The following TBXAS1 variants were observed in gnomAD, a reference collection of about 807,000 sequenced individuals.
TBXAS1 encodes the protein thromboxane-A synthase.
TBXAS1 carries 48 observed loss-of-function variants against 60.7 expected under a neutral mutation model. The observed-to-expected ratio is 0.79, with a 90% CI of 0.63 to 1.01. The LOEUF is 1.01. Among genes scored for constraint, TBXAS1 ranks in the 50% least tolerant of loss-of-function variants. The pLI is 0.00. For synonymous variants in TBXAS1, 287 were observed against 269.7 expected (o/e 1.06, Z -0.63); for missense variants, 685 against 686.3 (o/e 1.00, Z 0.02).
chr7:139,821,146 T>G (rs573833886), intron 4 of TBXAS1, among the ~76,000 whole-genome samples: 2 of 152,242 alleles, frequency 1.3e-5, no homozygotes, highest in Admixed American at 1.3e-4. Flanking sequence ...CTGAGAGAAG[T>G]CAAGGATGAT....
At chr7:139,872,552 G>A (rs142578423) in intron 2 of TBXAS1, among the ~76,000 whole-genome samples, 2,847 of 152,304 alleles carry the variant, frequency 0.019, 59 homozygotes, top group African/African-American at 0.046. Context: ...TACTTGGGAG[G>A]CTGAGGCAGG....
intron 6 of TBXAS1, 113 bp downstream of exon 6, chr7:139,953,569 A>C: frequency 1.0e-6 from 1 of 984,246 alleles, no homozygotes; most frequent in Admixed American, 1.9e-5. Context: ...AAACGCTAGA[A>C]GCTCATAAAA....
intron 4 of TBXAS1, among the ~76,000 whole-genome samples, chr7:139,791,165 G>T (rs1423385289): frequency 6.6e-6 from 1 of 152,188 alleles, no homozygotes; most frequent in Non-Finnish European, 1.5e-5. Context: ...CTAATATAGT[G>T]GAAGCCATTG....
intron 5 of TBXAS1, among the ~76,000 whole-genome samples, chr7:139,949,862 A>G (rs1809055073): frequency 6.6e-6 from 1 of 152,074 alleles, no homozygotes. Flanking sequence ...AAGATCCAAA[A>G]ACAGTGATGA....
At chr7:139,869,612 C>T (rs1017177895) in intron 1 of TBXAS1, among the ~76,000 whole-genome samples, 1 of 152,144 alleles carries the variant, frequency 6.6e-6, no homozygotes, top group Non-Finnish European at 1.5e-5. Flanking sequence ...TGGTCTTGAG[C>T]TCCTGGCCTC....
chr7:139,970,881 G>C (rs571182397), intron 9 of TBXAS1, among the ~76,000 whole-genome samples: 1 of 152,128 alleles, frequency 6.6e-6, no homozygotes, highest in African/African-American at 2.4e-5. Context: ...CATCCAACGG[G>C]ACCCTCAGGC....
chr7:139,868,219 T>A (rs1801565547), intron 1 of TBXAS1, among the ~76,000 whole-genome samples: 1 of 152,238 alleles, frequency 6.6e-6, no homozygotes, highest in Non-Finnish European at 1.5e-5. Context: ...TCATTGCGTA[T>A]TACCTGCTTT....
chr7:139,951,174 A>C (rs2117296776), intron 5 of TBXAS1, among the ~76,000 whole-genome samples: 1 of 152,288 alleles, frequency 6.6e-6, no homozygotes, highest in Non-Finnish European at 1.5e-5. Flanking sequence ...AAATCGAAAT[A>C]GCAATTGTAC....
intron 1 of TBXAS1, among the ~76,000 whole-genome samples, chr7:139,849,797 A>C (rs1461998108): frequency 2.0e-5 from 3 of 152,240 alleles, no homozygotes; most frequent in Non-Finnish European, 2.9e-5. Flanking sequence ...CAGAAAGCGC[A>C]GCTTGTTCAC....
rs117624830 is a variant in TBXAS1, at chr7:139,995,996, C to T, written c.1135-11095C>T. On this transcript the variant is annotated intron_variant, in intron 9 of 12. Coordinates refer to ENST00000448866, the MANE Select transcript of TBXAS1 (RefSeq NM_001061.7). ...GCCACAGTTGACAAATATAATGGCG[C>T]GTCTTCTTCTTCATTATTATCATTA... Among the ~76,000 whole-genome samples the T allele has an allele frequency of 7.5e-3, 1,139 of 152,168 alleles. 12 individuals carry two copies. The highest frequency in any genetic ancestry group is 0.012 in the Non-Finnish European group (841 of 68,014).
In TBXAS1 at chr7:139,962,039, TC is replaced by T. The variant is rs570470967; in HGVS notation, c.943del (p.Arg315GlyfsTer12). 1.8e-5 allele frequency: 29 copies of T among 1,614,078 alleles called. No individual in the cohort carries two copies. The highest frequency in any genetic ancestry group is 2.4e-5 in the Non-Finnish European group (28 of 1,180,048). On this transcript the variant is annotated frameshift_variant, in exon 9 of 13. Transcript: ENST00000448866. LOFTEE classifies it high-confidence loss of function. Reference protein sequence around the residue: ...FSSTGCKPNPSRQHQPSPMAR... With the variant: ...FSSTGCKPNPXRQHQPSPMAR... ...CTCTACTGGGTGCAAGCCGAACCCT[TC>T]CCGGCAACACCAGCCCAGCCCTATG... is the stretch of plus-strand genomic sequence containing the variant.
At chr7:139,829,852 A>C (rs977545092) in intron 1 of TBXAS1, among the ~76,000 whole-genome samples, 3 of 152,190 alleles carry the variant, frequency 2.0e-5, no homozygotes, top group Non-Finnish European at 4.4e-5. Context: ...TTTACAGTGA[A>C]TTCAGCCTCT....
At chr7:139,899,795 G>T (rs1057057020) in intron 3 of TBXAS1, among the ~76,000 whole-genome samples, 3 of 152,164 alleles carry the variant, frequency 2.0e-5, no homozygotes, top group Non-Finnish European at 4.4e-5. Flanking sequence ...GAGCCTGCCT[G>T]CTTTCCCTTG....
rs140600245 is a variant in TBXAS1 at position 139,983,841 on chromosome 7, G to T, written c.1134+21608G>T. 4.7e-3 allele frequency among the ~76,000 whole-genome samples: 709 copies of T among 152,236 alleles called. 6 individuals carry two copies. Among genetic ancestry groups the T allele is most frequent in the South Asian group, 0.012 (59 of 4,818 alleles). ...CTGGTTTGCAGAATCCAAACTCAGGGCTTCCTTCCAATATTTTTATTAGTT... is the reference window on the plus strand; with the variant it reads ...CTGGTTTGCAGAATCCAAACTCAGGTCTTCCTTCCAATATTTTTATTAGTT... On this transcript the variant is annotated intron_variant, in intron 9 of 12. Coordinates refer to ENST00000448866, the MANE Select transcript of TBXAS1 (RefSeq NM_001061.7).
chr7:139,931,648 A>T lies in TBXAS1; in HGVS notation c.334-4543A>T, dbSNP rs541646318. On this transcript the variant is annotated intron_variant, in intron 4 of 12. Coordinates refer to ENST00000448866, the MANE Select transcript of TBXAS1 (RefSeq NM_001061.7). Reference sequence around the variant, plus strand: ...CTTTATAAAACCATCAGATCTTGTAAGACTTATTCACTACCACGAGAACAA... The same window carrying T: ...CTTTATAAAACCATCAGATCTTGTATGACTTATTCACTACCACGAGAACAA... Among the ~76,000 whole-genome samples, 376 of 152,198 alleles carry T rather than the reference A, an allele frequency of 2.5e-3. 1 individual carries two copies. Among genetic ancestry groups the T allele is most frequent in the Non-Finnish European group, 3.4e-3 (234 of 67,988 alleles).
intron 9 of TBXAS1, among the ~76,000 whole-genome samples, chr7:139,986,111 G>A (rs536822910): frequency 6.6e-6 from 1 of 152,232 alleles, no homozygotes; most frequent in South Asian, 2.1e-4. Flanking sequence ...AATGGACATG[G>A]GGAGGCCTTA....
intron 1 of TBXAS1, among the ~76,000 whole-genome samples, chr7:139,857,587 G>A (rs957160526): frequency 1.3e-5 from 2 of 152,234 alleles, no homozygotes; most frequent in East Asian, 1.9e-4. Context: ...AGAAACACAC[G>A]TTGTGTGTGT....
chr7:139,868,002 T>C (rs1160814833), intron 1 of TBXAS1, among the ~76,000 whole-genome samples: 1 of 152,190 alleles, frequency 6.6e-6, no homozygotes, highest in Non-Finnish European at 1.5e-5. Flanking sequence ...ATTTGTGTCC[T>C]GTAGCGTTTA....
intron 4 of TBXAS1, chr7:139,912,944 A>T: frequency 1.7e-6 from 1 of 602,774 alleles, no homozygotes; most frequent in East Asian, 2.8e-5. Flanking sequence ...CCATCTCTCA[A>T]CTTAAGTCTA....
Sources: allele counts gnomAD v4.1 joint callset (sites outside exome capture counted in the v4.1 genomes callset), GRCh38; gene constraint gnomAD v4.1.1; transcripts MANE v1.5; gene names NCBI Gene and HGNC (gene_info 2026-07-23, HGNC 2026-07-21).